Variants in IFI16 observed in about 807,000 individuals in gnomAD.
IFI16 encodes interferon gamma inducible protein 16.
Under a neutral mutation model 68.4 loss-of-function variants are expected in IFI16, and 49 were observed. The ratio of observed to expected loss-of-function variants is 0.72; its 90% confidence interval spans 0.57 to 0.91. IFI16 has a LOEUF of 0.91. Among genes scored for constraint, IFI16 ranks in the 40% least tolerant of loss-of-function variants. IFI16 has a pLI of 0.00. For missense variants in IFI16, 878 were observed against 942.9 expected (o/e 0.93, Z 0.90); for synonymous variants, 307 against 315.0 (o/e 0.97, Z 0.27).
chr1:159,023,390 T>A (rs1653460122), intron 6 of IFI16, among the ~76,000 whole-genome samples: 1 of 152,212 alleles, frequency 6.6e-6, no homozygotes, highest in African/African-American at 2.4e-5. Context: ...TTTGATGGCG[T>A]CCTCAGTGTA....
intron 1 of IFI16, among the ~76,000 whole-genome samples, chr1:159,011,600 AAT>A (rs1435710757): frequency 1.3e-5 from 2 of 151,808 alleles, no homozygotes; most frequent in African/African-American, 2.4e-5. Context: ...AATAATAAAT[AAT>A]ATCATTAGAT....
upstream of IFI16, among the ~76,000 whole-genome samples, chr1:159,002,780 A>T (rs919276677): frequency 1.3e-5 from 2 of 152,192 alleles, no homozygotes; most frequent in African/African-American, 4.8e-5. Context: ...TTAAATAAAC[A>T]TATGTTGAAT....
At chr1:159,052,311 G>A in intron 10 of IFI16, 1 of 551,186 alleles carries the variant, frequency 1.8e-6, no homozygotes, top group Non-Finnish European at 3.2e-6. Context: ...CATCATGCAA[G>A]TTATTTAGAC....
intron 4 of IFI16, among the ~76,000 whole-genome samples, chr1:159,017,930 A>G (rs903719190): frequency 1.3e-5 from 2 of 152,214 alleles, no homozygotes; most frequent in Non-Finnish European, 2.9e-5. Flanking sequence ...AAGTTACTTC[A>G]TGACACTGGC....
chr1:159,006,098 T>C (rs1053169219), upstream of IFI16: 1 of 152,298 alleles, frequency 6.6e-6, no homozygotes, highest in Non-Finnish European at 1.5e-5. Context: ...GGTCTGCCTC[T>C]TCTTTGGTCT....
intron 8 of IFI16, among the ~76,000 whole-genome samples, chr1:159,048,899 A>G (rs1156972405): frequency 1.3e-5 from 2 of 151,502 alleles, no homozygotes; most frequent in African/African-American, 2.4e-5. Context: ...TGATAGCCTG[A>G]TCCACACTGT....
chr1:159,054,912 T>A lies in IFI16; in HGVS notation c.*11T>A. 6.7e-7 allele frequency: 1 copy of A among 1,487,324 alleles called. No individual in the cohort carries two copies. The highest frequency in any genetic ancestry group is 9.4e-7 in the Non-Finnish European group (1 of 1,068,914). 92.1% of individuals were successfully genotyped at this position (1,487,324 alleles called of 1,614,324 possible). A position where few individuals can be genotyped will look rare whatever the true frequency, so the allele number is the denominator to read the frequency against. On this transcript the variant is annotated 3_prime_UTR_variant, in exon 12 of 12. Transcript: ENST00000295809. ...GACTTTTTCTTCTAAAATCTGGATGTCATTGACGATAATGTTTATGGAGAT... is the reference window on the plus strand; with the variant it reads ...GACTTTTTCTTCTAAAATCTGGATGACATTGACGATAATGTTTATGGAGAT...
At chr1:159,028,719 T>A (rs1392667309) in intron 6 of IFI16, among the ~76,000 whole-genome samples, 1 of 152,124 alleles carries the variant, frequency 6.6e-6, no homozygotes, top group Non-Finnish European at 1.5e-5. Context: ...TTGTGACATT[T>A]TCCTATTGGA....
At chr1:159,022,734 A>T (rs903221176) in intron 6 of IFI16, among the ~76,000 whole-genome samples, 2 of 152,246 alleles carry the variant, frequency 1.3e-5, no homozygotes, top group African/African-American at 4.8e-5. Context: ...AACATAAAGT[A>T]TATTGATTTT....
At chr1:159,052,298 TATC>T (rs1172728942) in intron 10 of IFI16, 200 bp downstream of exon 10, 6 of 566,706 alleles carry the variant, frequency 1.1e-5, no homozygotes, top group Non-Finnish European at 1.9e-5. Flanking sequence ...CTTCTTAAGG[TATC>T]ATCATGCAAG....
chr1:159,018,331 T>C lies in IFI16; in HGVS notation c.652T>C (p.Tyr218His). 6.2e-7 allele frequency: 1 copy of C among 1,614,038 alleles called. No individual in the cohort carries two copies. Among genetic ancestry groups the C allele is most frequent in the Non-Finnish European group, 8.5e-7 (1 of 1,179,890 alleles). ...ACTGAGTACAACAAAGCCATTTGAATATGAGACCCCAGAAATGGAGAAAAA... is the reference window on the plus strand; with the variant it reads ...ACTGAGTACAACAAAGCCATTTGAACATGAGACCCCAGAAATGGAGAAAAA... ...KVLSTTKPFE[Y>H]ETPEMEKKIM... Residue 218 changes from tyrosine (Y) to histidine (H), a missense_variant, in exon 5 of 12, where the codon TAT becomes CAT. By Grantham distance (83) the Tyr-to-His change is moderately conservative. This residue lies in a region of IFI16 where 443 missense variants were observed against 421.8 expected (regional missense o/e 1.05). Coordinates refer to ENST00000295809, the MANE Select transcript of IFI16 (RefSeq NM_001376587.1).
In IFI16 at chr1:159,018,381, T is replaced by A. The variant is rs148467779; in HGVS notation, c.702T>A (p.Ala234=). Reference sequence around the variant, plus strand: ...AAATAATGTTTCATGCTACAGTGGCTACACAGACACAGTTCTTCCATGTGA... The same window carrying A: ...AAATAATGTTTCATGCTACAGTGGCAACACAGACACAGTTCTTCCATGTGA... The part of the protein sequence containing the change: ...EKKIMFHATV[A]TQTQFFHVKV... The change falls in exon 5 of 12, where the codon GCT becomes GCA. Residue 234 remains alanine, a synonymous_variant. Coordinates refer to ENST00000295809, the MANE Select transcript of IFI16 (RefSeq NM_001376587.1). The A allele has an allele frequency of 6.2e-7, 1 of 1,614,076 alleles. No homozygotes were observed. The highest frequency in any genetic ancestry group is 8.5e-7 in the Non-Finnish European group (1 of 1,180,036).
intron 8 of IFI16, 129 bp downstream of exon 8, chr1:159,045,593 A>G: frequency 1.2e-6 from 1 of 832,672 alleles, no homozygotes; most frequent in Non-Finnish European, 1.9e-6. Flanking sequence ...TCAGTCATTT[A>G]TTTATCAAGT....
chr1:159,028,877 C>T (rs144275864), intron 6 of IFI16, among the ~76,000 whole-genome samples: 259 of 151,770 alleles, frequency 1.7e-3, no homozygotes, highest in Admixed American at 3.6e-3. Context: ...TTATGTGAGG[C>T]CTTATGTGTT....
At chr1:159,051,454 C>G (rs1304757798) in intron 9 of IFI16, among the ~76,000 whole-genome samples, 1 of 152,122 alleles carries the variant, frequency 6.6e-6, no homozygotes, top group African/African-American at 2.4e-5. Flanking sequence ...TTCTTCCTTC[C>G]ACTCTCATAA....
upstream of IFI16, chr1:159,009,812 C>T (rs1397594014): frequency 6.6e-6 from 1 of 152,138 alleles, no homozygotes; most frequent in Non-Finnish European, 1.5e-5. Context: ...ACCACATGCT[C>T]CAGCCCTTGC....
At chr1:159,032,428 AT>A (rs2101872952) in intron 6 of IFI16, 95 bp from the exon 7 acceptor site, 3 of 730,852 alleles carry the variant, frequency 4.1e-6, no homozygotes, top group Non-Finnish European at 6.4e-6. Flanking sequence ...AATGAGACCT[AT>A]TAAAATCTAA....
At chr1:159,002,783 T>C (rs186055046), upstream of IFI16, among the ~76,000 whole-genome samples, 3 of 152,312 alleles carry the variant, frequency 2.0e-5, no homozygotes, top group Admixed American at 1.3e-4. Context: ...AATAAACATA[T>C]GTTGAATCAA....
chr1:159,034,058 T>C (rs766295353), intron 7 of IFI16, among the ~76,000 whole-genome samples: 3 of 152,232 alleles, frequency 2.0e-5, no homozygotes, highest in Non-Finnish European at 4.4e-5. Flanking sequence ...CAAGGTAAGT[T>C]CTTCAATATT....
Sources: gnomAD v4.1 joint callset for allele counts (sites outside exome capture counted in the v4.1 genomes callset) on GRCh38, gnomAD v4.1.1 for gene constraint, gnomAD v4.1.1 regional missense constraint, MANE v1.5 for transcripts, NCBI Gene and HGNC (gene_info 2026-07-23, HGNC 2026-07-21) for gene names.